ADCY9: variants seen among roughly 807,000 people sequenced by gnomAD.
ADCY9 encodes the protein adenylate cyclase type 9.
In ADCY9, 50 loss-of-function variants were observed where a neutral mutation model predicts 101.5. That is an observed-to-expected ratio of 0.49 (90% CI 0.39 to 0.62). The LOEUF (loss-of-function observed/expected upper bound fraction) is 0.62, where lower values mean the gene tolerates loss of function less well. Ranked by LOEUF, ADCY9 falls within the 20% of genes least tolerant of loss-of-function variation. ADCY9 has a pLI of 0.00. For synonymous variants in ADCY9, 905 were observed against 769.3 expected, an observed-to-expected ratio of 1.18 and a Z score of -2.92; for missense variants, 1,662 against 1,800.4, an observed-to-expected ratio of 0.92 and a Z score of 1.39.
chr16:4,102,910 C>A, intron 2 of ADCY9, among the ~76,000 whole-genome samples: 1 of 151,978 alleles, frequency 6.6e-6, no homozygotes, highest in Non-Finnish European at 1.5e-5. Flanking sequence ...TTAGGAGAGA[C>A]GGAGCTTCAC....
intron 5 of ADCY9, among the ~76,000 whole-genome samples, chr16:3,990,635 G>C (rs1454853930): frequency 6.6e-6 from 1 of 152,152 alleles, no homozygotes; most frequent in Non-Finnish European, 1.5e-5. Flanking sequence ...ACTCAGAAGA[G>C]AAATAATTCT....
rs2056262397 is a variant in ADCY9, at chr16:3,993,401, G to C, written c.1989+5C>G. 3 of 1,613,612 alleles carry C rather than the reference G, an allele frequency of 1.9e-6. No homozygotes were observed. Among genetic ancestry groups the C allele is most frequent in the South Asian group, 2.2e-5 (2 of 91,082 alleles). The stretch of plus-strand genomic sequence containing the variant: ...TGACAGGAACAACAGCCATGAGCTT[G>C]TTACCTTGGTGCTGTTTTTATGCTC... On this transcript the variant is annotated splice_donor_5th_base_variant and intron_variant, in intron 4 of 10. Transcript: ENST00000294016.
chr16:3,972,634 G>C (rs2056062366), intron 10 of ADCY9, among the ~76,000 whole-genome samples: 1 of 152,054 alleles, frequency 6.6e-6, no homozygotes, highest in African/African-American at 2.4e-5. Flanking sequence ...TGGAGAAGAG[G>C]GATTGAAAAA....
At position 4,114,915 on chromosome 16, in the gene ADCY9, C is replaced by A; in HGVS notation, c.528G>T (p.Ser176=). 6.2e-7 allele frequency: 1 copy of A among 1,613,844 alleles called. No homozygotes were observed. The highest frequency in any genetic ancestry group is 8.5e-7 in the Non-Finnish European group (1 of 1,180,020). Residue 176 remains serine, a synonymous_variant, in exon 2 of 11, where the codon TCG becomes TCT. Transcript: ENST00000294016. The surrounding 1 kb of genome is among the most constrained non-coding windows in gnomAD (Gnocchi z 4.3). The part of the protein sequence containing the change: ...KLYARHYAWT[S]LALTLLVFAL... ...CGAACACCAGCAGGGTGAGAGCCAG[C>A]GAGGTCCACGCGTAATGCCGGGCGT...
intron 9 of ADCY9, 45 bp downstream of exon 9, chr16:3,977,437 G>C: frequency 1.3e-6 from 2 of 1,534,468 alleles, no homozygotes; most frequent in African/African-American, 1.4e-5. Context: ...CCTCGGGCAA[G>C]GTGGCCACGC....
intron 3 of ADCY9, among the ~76,000 whole-genome samples, chr16:4,006,826 T>C (rs574967529): frequency 6.6e-6 from 1 of 152,306 alleles, no homozygotes; most frequent in South Asian, 2.1e-4. Context: ...CGGGCACTTC[T>C]AGGCAGCTAC....
intron 2 of ADCY9, among the ~76,000 whole-genome samples, chr16:4,085,969 AC>A (rs1567142342): frequency 6.6e-6 from 1 of 151,716 alleles, no homozygotes; most frequent in African/African-American, 2.4e-5. Flanking sequence ...TAAAAAAAAA[AC>A]AACACTCGCT....
chr16:4,067,012 A>G (rs2056804752), intron 2 of ADCY9, among the ~76,000 whole-genome samples: 1 of 152,254 alleles, frequency 6.6e-6, no homozygotes, highest in African/African-American at 2.4e-5. Flanking sequence ...CTTTTATACA[A>G]TTAGACTGCA....
At chr16:3,969,573 T>A (rs1201659988) in intron 10 of ADCY9, among the ~76,000 whole-genome samples, 1 of 22,350 alleles carries the variant, frequency 4.5e-5, no homozygotes, top group Non-Finnish European at 6.7e-5. Context: ...GTTTGAAATA[T>A]ATATATATAT....
chr16:4,071,332 C>CAAAAAAAAAAAAAAAAAAAAAAAAAA (rs530420293), intron 2 of ADCY9, among the ~76,000 whole-genome samples: 4 of 70,522 alleles, frequency 5.7e-5, no homozygotes, highest in Non-Finnish European at 7.8e-5. Flanking sequence ...ACTCAGTCTC[C>CAAAAAAAAAAAAAAAAAAAAAAAAAA]AAAAAAAAAA....
chr16:4,055,630 G>A (rs756683042), intron 2 of ADCY9, among the ~76,000 whole-genome samples: 17 of 151,770 alleles, frequency 1.1e-4, no homozygotes, highest in Admixed American at 6.6e-4. Context: ...TCAGGAGATC[G>A]AGACCATCCC....
intron 2 of ADCY9, among the ~76,000 whole-genome samples, chr16:4,097,553 A>ATTTTTTTTTT (rs35732229): frequency 4.3e-4 from 23 of 53,400 alleles, no homozygotes; most frequent in African/African-American, 1.0e-3. Flanking sequence ...ATATATATAT[A>ATTTTTTTTTT]TTTTTTTTTT....
intron 2 of ADCY9, among the ~76,000 whole-genome samples, chr16:4,033,816 T>C (rs1426855516): frequency 2.0e-5 from 3 of 152,228 alleles, no homozygotes; most frequent in East Asian, 1.9e-4. Flanking sequence ...TTAACCTCTT[T>C]GTGCCTCAGT....
Position 3,962,818 on chromosome 16 carries a change from A to C in ADCY9, c.*2957T>G. On this transcript the variant is annotated 3_prime_UTR_variant, in exon 11 of 11. Transcript: ENST00000294016. Reference sequence around the variant, plus strand: ...CTAGGCATGATGTGATTTTCCAAACAACCAATTAAAAAAAACTCCTTACCT... The same window carrying C: ...CTAGGCATGATGTGATTTTCCAAACCACCAATTAAAAAAAACTCCTTACCT... 6.6e-6 allele frequency: 1 copy of C among 152,412 alleles called. No homozygotes were observed. Among genetic ancestry groups the C allele is most frequent in the South Asian group, 2.1e-4 (1 of 4,836 alleles). The allele number at this position is 152,412 out of a possible 1,614,324, so 9.4% of individuals were successfully genotyped here.
intron 3 of ADCY9, among the ~76,000 whole-genome samples, chr16:4,001,739 GTT>G (rs60955922): frequency 6.1e-4 from 85 of 140,248 alleles, no homozygotes; most frequent in African/African-American, 1.3e-3. Context: ...TGTAGAGATG[GTT>G]TTTTTTTTTT....
chr16:3,978,839 C>T (rs2056115211), intron 8 of ADCY9, among the ~76,000 whole-genome samples: 1 of 152,184 alleles, frequency 6.6e-6, no homozygotes, highest in East Asian at 1.9e-4. Flanking sequence ...CCTGCCTCAG[C>T]CTCCCAAGTA....
At chr16:4,047,045 C>CA (rs977941475) in intron 2 of ADCY9, among the ~76,000 whole-genome samples, 1 of 151,914 alleles carries the variant, frequency 6.6e-6, no homozygotes, top group Non-Finnish European at 1.5e-5. Flanking sequence ...ACATATTCCA[C>CA]AAAAAAGATT....
intron 6 of ADCY9, among the ~76,000 whole-genome samples, chr16:3,985,761 C>T (rs2056186917): frequency 6.6e-6 from 1 of 152,138 alleles, no homozygotes; most frequent in Admixed American, 6.5e-5. Context: ...CCCGCTCCTC[C>T]CTCCACCTCC....
chr16:4,028,040 G>C (rs533683179), intron 2 of ADCY9, among the ~76,000 whole-genome samples: 24 of 152,086 alleles, frequency 1.6e-4, no homozygotes, highest in Non-Finnish European at 3.1e-4. Flanking sequence ...ATGAGATTTG[G>C]GTGGGGACAC....
Sources: allele counts gnomAD v4.1 joint callset (sites outside exome capture counted in the v4.1 genomes callset), GRCh38; gene constraint gnomAD v4.1.1; non-coding constraint Gnocchi (gnomAD v3.1); transcripts MANE v1.5; gene names NCBI Gene and HGNC (gene_info 2026-07-23, HGNC 2026-07-21).